Variants in MARCHF5 observed in about 807,000 individuals in gnomAD.
MARCHF5 encodes membrane associated ring-CH-type finger 5, also known as E3 ubiquitin-protein ligase MARCHF5.
MARCHF5 carries 5 observed loss-of-function variants against 36.5 expected under a neutral mutation model. The observed-to-expected ratio is 0.14, with a 90% CI of 0.07 to 0.29. The LOEUF (loss-of-function observed/expected upper bound fraction) is 0.29. MARCHF5 is among the 10% of genes least tolerant of loss of function. The pLI is 1.00. For missense variants in MARCHF5, 179 were observed against 336.3 expected, an observed-to-expected ratio of 0.53 and a Z score of 3.66; for synonymous variants, 103 against 109.9, an observed-to-expected ratio of 0.94 and a Z score of 0.39.
chr10:92,349,850 T>C lies in MARCHF5; in HGVS notation c.720+13T>C. The C allele has an allele frequency of 6.3e-7, 1 of 1,597,072 alleles. No individual in the cohort carries two copies. The highest frequency in any genetic ancestry group is 8.6e-7 in the Non-Finnish European group (1 of 1,167,344). On this transcript the variant is annotated intron_variant, in intron 5 of 5. Coordinates refer to ENST00000358935, the MANE Select transcript of MARCHF5 (RefSeq NM_017824.5). ...AAGGACAATCTTGGTAAGACGGCTT[T>C]AACATTACTTATATTACCTTGCAAA...
intron 1 of MARCHF5, among the ~76,000 whole-genome samples, chr10:92,309,657 C>T (rs953099496): frequency 6.6e-6 from 1 of 151,738 alleles, no homozygotes; most frequent in Non-Finnish European, 1.5e-5. Flanking sequence ...AGCCTGTGTG[C>T]TAGTATACTT....
intron 1 of MARCHF5, 144 bp from the exon 2 acceptor site, chr10:92,310,991 G>GT: frequency 1.6e-6 from 1 of 617,602 alleles, no homozygotes; most frequent in Non-Finnish European, 2.8e-6. Flanking sequence ...TGTATTGGTT[G>GT]TTTTGTCTCC....
chr10:92,328,801 T>TTATATATATATATATATATA (rs748902839), intron 2 of MARCHF5, among the ~76,000 whole-genome samples: 9 of 137,276 alleles, frequency 6.6e-5, no homozygotes, highest in African/African-American at 2.4e-4. Context: ...AGTGAGGTTA[T>TTATATATATATATATATATA]TATATATATA....
chr10:92,332,673 A>C (rs1206639052), intron 2 of MARCHF5, among the ~76,000 whole-genome samples: 1 of 151,626 alleles, frequency 6.6e-6, no homozygotes, highest in Non-Finnish European at 1.5e-5. Flanking sequence ...GGCGCACGCC[A>C]CCATGCCCAG....
At chr10:92,348,166 A>T (rs1286265442) in intron 3 of MARCHF5, among the ~76,000 whole-genome samples, 1 of 122,582 alleles carries the variant, frequency 8.2e-6, no homozygotes, top group East Asian at 2.5e-4. Flanking sequence ...CTGGGCAACA[A>T]GAGCAAAAAA....
chr10:92,346,492 C>CTTTTTTTTTTTTTTTTTTTT (rs763991703), intron 3 of MARCHF5, among the ~76,000 whole-genome samples: 1 of 88,300 alleles, frequency 1.1e-5, no homozygotes, highest in Non-Finnish European at 2.2e-5. Context: ...CTATTTCCTT[C>CTTTTTTTTTTTTTTTTTTTT]TTTTTTTTTT....
chr10:92,352,203 T>C lies in MARCHF5; in HGVS notation c.*996T>C, dbSNP rs1277220229. The C allele has an allele frequency of 6.6e-6, 1 of 152,456 alleles. No individual in the cohort carries two copies. The highest frequency in any genetic ancestry group is 2.4e-5 in the African/African-American group (1 of 41,412). The allele number at this position is 152,456 out of a possible 1,614,324, so 9.4% of individuals were successfully genotyped here. On this transcript the variant is annotated 3_prime_UTR_variant, in exon 6 of 6. Transcript: ENST00000358935. ...AGACTTGGTCCAAGCTCTTACAGAGTTGACAGTCTAGTTTCAGCACATAGA... is the reference window on the plus strand; with the variant it reads ...AGACTTGGTCCAAGCTCTTACAGAGCTGACAGTCTAGTTTCAGCACATAGA...
intron 1 of MARCHF5, among the ~76,000 whole-genome samples, chr10:92,307,522 T>A (rs1261371826): frequency 1.3e-5 from 2 of 152,106 alleles, no homozygotes; most frequent in Non-Finnish European, 2.9e-5. Context: ...GCCCAGGAGT[T>A]TGAGACTGGT....
intron 1 of MARCHF5, among the ~76,000 whole-genome samples, chr10:92,309,009 G>A (rs1253794599): frequency 6.6e-6 from 1 of 152,080 alleles, no homozygotes; most frequent in African/African-American, 2.4e-5. Context: ...CCGGCCAAGT[G>A]CATGCTTTAA....
At chr10:92,334,536 C>T (rs1843479605) in intron 2 of MARCHF5, 1 of 152,330 alleles carries the variant, frequency 6.6e-6, no homozygotes. Flanking sequence ...TTCTTCTCCA[C>T]TCCAACAGCT....
At position 92,351,185 on chromosome 10, in the gene MARCHF5, A is replaced by G; in HGVS notation, c.815A>G (p.Tyr272Cys). The change falls in exon 6 of 6, where the codon TAT becomes TGT. Residue 272 changes from tyrosine to cysteine, a missense_variant. By Grantham distance (194) the Tyr-to-Cys change is radical. Around this residue, in one of 3 missense-constraint regions of MARCHF5, gnomAD observed 95 missense variants for 139.5 expected, o/e 0.68. Coordinates refer to ENST00000358935, the MANE Select transcript of MARCHF5 (RefSeq NM_017824.5). ...LRQAHRKILN[Y>C]PEQEEA Reference sequence around the variant, plus strand: ...CAGGCACACCGCAAAATTCTGAATTATCCAGAACAAGAAGAAGCATAAAAC... The same window carrying G: ...CAGGCACACCGCAAAATTCTGAATTGTCCAGAACAAGAAGAAGCATAAAAC... 6.2e-7 allele frequency: 1 copy of G among 1,611,402 alleles called. No individual in the cohort carries two copies. Among genetic ancestry groups the G allele is most frequent in the Non-Finnish European group, 8.5e-7 (1 of 1,177,986 alleles).
At chr10:92,317,435 T>C (rs1469787864) in intron 2 of MARCHF5, among the ~76,000 whole-genome samples, 1 of 152,170 alleles carries the variant, frequency 6.6e-6, no homozygotes, top group African/African-American at 2.4e-5. Flanking sequence ...AACATTGTTT[T>C]ATAGTTTTTA....
rs944355173 is a variant in MARCHF5, at chr10:92,292,131, T to G, written c.35+602T>G. 2.0e-5 allele frequency among the ~76,000 whole-genome samples: 3 copies of G among 147,956 alleles called. No homozygotes were observed. The East Asian group carries it at 6.1e-4, about 30-fold the overall frequency. The stretch of plus-strand genomic sequence containing the variant: ...AGGTTATGGAAAACAGCCAAATGAG[T>G]CCAACGCTGAACATTTAGTGTACTT... On this transcript the variant is annotated intron_variant, in intron 1 of 5. Transcript: ENST00000358935.
At chr10:92,323,906 G>T (rs951421028) in intron 2 of MARCHF5, among the ~76,000 whole-genome samples, 2 of 152,110 alleles carry the variant, frequency 1.3e-5, no homozygotes, top group Non-Finnish European at 2.9e-5. Flanking sequence ...CAACTCATTG[G>T]GGTAAATACC....
intron 4 of MARCHF5, 37 bp from the exon 5 acceptor site, chr10:92,349,634 T>C: frequency 6.2e-7 from 1 of 1,604,350 alleles, no homozygotes; most frequent in Non-Finnish European, 8.5e-7. Flanking sequence ...ACTCTTCTGA[T>C]TTATTAGCAC....
chr10:92,311,485 T>C (rs1273344326), intron 2 of MARCHF5, 148 bp downstream of exon 2: 27 of 626,358 alleles, frequency 4.3e-5, no homozygotes, highest in Non-Finnish European at 5.4e-6. Context: ...TGTCAGACAT[T>C]TATTTCTTTT....
chr10:92,309,036 G>T (rs912797655), intron 1 of MARCHF5, among the ~76,000 whole-genome samples: 3 of 152,100 alleles, frequency 2.0e-5, no homozygotes, highest in African/African-American at 7.2e-5. Context: ...GTTCTAAAAA[G>T]TAAATCTGTA....
chr10:92,307,290 C>A (rs1311574274), intron 1 of MARCHF5, among the ~76,000 whole-genome samples: 1 of 151,654 alleles, frequency 6.6e-6, no homozygotes, highest in Non-Finnish European at 1.5e-5. Flanking sequence ...ATGCTGATAT[C>A]GGCCTAAAGA....
At chr10:92,338,258 T>C (rs925648409) in intron 2 of MARCHF5, among the ~76,000 whole-genome samples, 1 of 152,230 alleles carries the variant, frequency 6.6e-6, no homozygotes, top group African/African-American at 2.4e-5. Context: ...TTACGGTCTT[T>C]AACTTCTACT....
Sources: allele counts gnomAD v4.1 joint callset (sites outside exome capture counted in the v4.1 genomes callset), GRCh38; gene constraint gnomAD v4.1.1; regional missense constraint gnomAD v4.1.1; transcripts MANE v1.5; gene names NCBI Gene and HGNC (gene_info 2026-07-23, HGNC 2026-07-21).